C5: variants seen among roughly 807,000 people sequenced by gnomAD.
C5 encodes the protein complement C5.
A neutral mutation model predicts 218.8 loss-of-function variants in C5; 140 were observed. That is an observed-to-expected ratio of 0.64 (90% CI 0.56 to 0.74). The LOEUF (loss-of-function observed/expected upper bound fraction) is 0.74, where lower values mean the gene tolerates loss of function less well. Among genes scored for constraint, C5 ranks in the 30% least tolerant of loss-of-function variants. The pLI, the probability that C5 is intolerant of heterozygous loss-of-function variation, is 0.00. For synonymous variants in C5, 614 were observed against 682.3 expected, an observed-to-expected ratio of 0.90 and a Z score of 1.56; for missense variants, 1,700 against 1,969.6, an observed-to-expected ratio of 0.86 and a Z score of 2.59.
At chr9:121,036,595 C>T (rs559661896) in intron 4 of C5, among the ~76,000 whole-genome samples, 18 of 115,592 alleles carry the variant, frequency 1.6e-4, no homozygotes, top group Non-Finnish European at 2.6e-4. Flanking sequence ...TTCTTCTTGC[C>T]CCCATAGCTT....
At chr9:121,064,968 G>T in the C5 span, among the ~76,000 whole-genome samples, 1 of 152,108 alleles carries the variant, frequency 6.6e-6, no homozygotes, top group African/African-American at 2.4e-5. Flanking sequence ...TACTCAGGAG[G>T]CTGAGGCAGG....
At chr9:121,031,270 C>T (rs999071294) in intron 6 of C5, among the ~76,000 whole-genome samples, 1 of 151,908 alleles carries the variant, frequency 6.6e-6, no homozygotes, top group Non-Finnish European at 1.5e-5. Context: ...ACTTGTTAGT[C>T]TATTAATATA....
Position 121,013,822 on chromosome 9 carries a change from C to T in C5, c.2257+51G>A, listed in dbSNP as rs763698343. On this transcript the variant is annotated intron_variant, in intron 17 of 40. Coordinates refer to ENST00000223642, the MANE Select transcript of C5 (RefSeq NM_001735.3). ...TGCCTTTCTTAGCAGCATAAAATTA[C>T]ACAAAATTCCCCATATTGAGCAGAA... 6.1e-6 allele frequency: 9 copies of T among 1,486,654 alleles called. No individual in the cohort carries two copies. The East Asian group carries it at 1.8e-4, about 30-fold the overall frequency. The allele number at this position is 1,486,654 out of a possible 1,614,324, so 92.1% of individuals were successfully genotyped here.
At chr9:121,049,593 C>T (rs1310740241) in intron 1 of C5, among the ~76,000 whole-genome samples, 1 of 152,148 alleles carries the variant, frequency 6.6e-6, no homozygotes, top group Non-Finnish European at 1.5e-5. Flanking sequence ...CTTATCTGGA[C>T]TTATTCTCAT....
intron 17 of C5, among the ~76,000 whole-genome samples, chr9:121,010,758 C>G (rs1290974196): frequency 6.6e-6 from 1 of 152,040 alleles, no homozygotes; most frequent in African/African-American, 2.4e-5. Flanking sequence ...TTCAAAACAG[C>G]ATGGTAGTGG....
intron 17 of C5, among the ~76,000 whole-genome samples, chr9:121,012,470 C>A (rs534719765): frequency 1.3e-5 from 2 of 152,022 alleles, no homozygotes; most frequent in Non-Finnish European, 2.9e-5. Context: ...GCTGAGACTG[C>A]GCCATTGCAC....
chr9:120,957,774 G>C (rs1405964370), intron 38 of C5, among the ~76,000 whole-genome samples: 1 of 152,144 alleles, frequency 6.6e-6, no homozygotes, highest in African/African-American at 2.4e-5. Context: ...CTCTCATTCA[G>C]GTCTACCATG....
At chr9:120,988,641 T>G (rs915770363) in intron 25 of C5, among the ~76,000 whole-genome samples, 6 of 152,186 alleles carry the variant, frequency 3.9e-5, no homozygotes, top group African/African-American at 1.4e-4. Context: ...AATAAAAAGT[T>G]TGGTTTTTAC....
intron 25 of C5, among the ~76,000 whole-genome samples, chr9:120,986,604 AG>A (rs886374917): frequency 7.7e-5 from 11 of 143,164 alleles, no homozygotes; most frequent in Admixed American, 5.3e-4. Flanking sequence ...GTTTACTGAG[AG>A]GCTGTTGTAC....
chr9:120,970,592 G>A (rs571766788), intron 31 of C5, among the ~76,000 whole-genome samples: 42 of 152,302 alleles, frequency 2.8e-4, no homozygotes, highest in South Asian at 8.3e-4. Flanking sequence ...AACAGCACAA[G>A]GCTAAGAAGT....
At chr9:120,976,205 G>A (rs1429870657) in intron 29 of C5, among the ~76,000 whole-genome samples, 1 of 152,096 alleles carries the variant, frequency 6.6e-6, no homozygotes, top group Non-Finnish European at 1.5e-5. Flanking sequence ...TGTATTATAC[G>A]ACTACATAAT....
At position 120,969,099 on chromosome 9, in the gene C5, G is replaced by T. The variant is rs142157475; in HGVS notation, c.4182C>A (p.Tyr1394Ter). The T allele has an allele frequency of 6.2e-7, 1 of 1,613,888 alleles. No individual in the cohort carries two copies. The highest frequency in any genetic ancestry group is 8.5e-7 in the Non-Finnish European group (1 of 1,179,792). The change falls in exon 33 of 41, where the codon TAC becomes TAA. Residue 1394 changes from tyrosine (Y) to a stop codon, truncating the protein, a stop_gained. Transcript: ENST00000223642. LOFTEE classifies it high-confidence loss of function. ...QDIEASHYRG[Y>*]GNSDYKRIVA... ...CTATGCGTTTGTAATCAGAGTTTCC[G>T]TAGCCTCTGTAGTGGGATGCTGGCA...
At chr9:120,994,923 A>C (rs1470175862) in intron 22 of C5, among the ~76,000 whole-genome samples, 5 of 59,634 alleles carry the variant, frequency 8.4e-5, no homozygotes. Context: ...ATCTGTGGTG[A>C]AAAAAAAAAA....
At chr9:121,056,032 T>C in the C5 span, among the ~76,000 whole-genome samples, 1 of 152,256 alleles carries the variant, frequency 6.6e-6, no homozygotes, top group Non-Finnish European at 1.5e-5. Context: ...TCAGTGTTCC[T>C]GGGCTTAGGG....
intron 1 of C5, among the ~76,000 whole-genome samples, chr9:121,047,120 A>T (rs184626495): frequency 8.5e-5 from 13 of 152,360 alleles, no homozygotes; most frequent in Non-Finnish European, 1.6e-4. Context: ...AGGCTGTATC[A>T]GCACTTTACA....
At chr9:121,031,807 T>C (rs970031661) in intron 6 of C5, among the ~76,000 whole-genome samples, 1 of 152,238 alleles carries the variant, frequency 6.6e-6, no homozygotes, top group Non-Finnish European at 1.5e-5. Flanking sequence ...GGCTCATGCC[T>C]GTAATCCCAG....
chr9:120,999,808 C>G (rs185939641), intron 20 of C5: 32 of 408,222 alleles, frequency 7.8e-5, no homozygotes, highest in African/African-American at 6.6e-4. Flanking sequence ...CACAGATGTA[C>G]TTGTTTCTTA....
chr9:121,058,687 C>T, the C5 span, among the ~76,000 whole-genome samples: 1 of 152,224 alleles, frequency 6.6e-6, no homozygotes, highest in Non-Finnish European at 1.5e-5. Flanking sequence ...GATCTACCCA[C>T]CTCGGCTTCC....
chr9:121,009,683 A>G (rs1202508852), intron 17 of C5, among the ~76,000 whole-genome samples: 1 of 152,260 alleles, frequency 6.6e-6, no homozygotes, highest in Non-Finnish European at 1.5e-5. Flanking sequence ...AGCACCATCA[A>G]GAGAACCGAA....
Sources: gnomAD v4.1 joint callset for allele counts (sites outside exome capture counted in the v4.1 genomes callset) on GRCh38, gnomAD v4.1.1 for gene constraint, MANE v1.5 for transcripts, NCBI Gene and HGNC (gene_info 2026-07-23, HGNC 2026-07-21) for gene names.